The following VPREB3 variants were observed in gnomAD, a reference collection of about 807,000 sequenced individuals.
The protein encoded by VPREB3 is V-set pre-B cell surrogate light chain 3.
Under a neutral mutation model 12.9 loss-of-function variants are expected in VPREB3, and 14 were observed. That is an observed-to-expected ratio of 1.09 (90% CI 0.72 to 1.70). The LOEUF (loss-of-function observed/expected upper bound fraction) is 1.70. VPREB3 is among the 40% of genes most tolerant of loss of function. VPREB3 has a pLI of 0.00. For synonymous variants in VPREB3, 78 were observed against 70.1 expected, an observed-to-expected ratio of 1.11 and a Z score of -0.56; for missense variants, 165 against 159.6, an observed-to-expected ratio of 1.03 and a Z score of -0.18.
chr22:23,754,213 T>G (rs2070453), intron 1 of VPREB3, 102 bp downstream of exon 1: 160,022 of 1,239,356 alleles, frequency 0.13, 12,818 homozygotes, highest in East Asian at 0.39. Flanking sequence ...TCCCAGGACC[T>G]GCCCTACTGT....
rs574751117 is a variant in VPREB3, at chr22:23,752,964, T to C, written c.284A>G (p.His95Arg). ...ACTAATGGTGAGGACACAGGCATTG[T>C]GGGCCTCATCCTTGGCTGCCGAGAA... ...DRFSAAKDEA[H>R]NACVLTISPV... Residue 95 changes from histidine to arginine, a missense_variant, in exon 2 of 2, where the codon CAC becomes CGC. By Grantham distance (29) the His-to-Arg change is conservative (BLOSUM62 0). Coordinates refer to ENST00000248948, the MANE Select transcript of VPREB3 (RefSeq NM_013378.3). 6.2e-7 allele frequency: 1 copy of C among 1,614,126 alleles called. No homozygotes were observed. Among genetic ancestry groups the C allele is most frequent in the South Asian group, 1.1e-5 (1 of 91,088 alleles).
chr22:23,752,890 C>G lies in VPREB3; in HGVS notation c.358G>C (p.Gly120Arg). 1.9e-6 allele frequency: 3 copies of G among 1,611,710 alleles called. No individual in the cohort carries two copies. The highest frequency in any genetic ancestry group is 2.5e-6 in the Non-Finnish European group (3 of 1,178,094). The change falls in exon 2 of 2, where the codon GGC (glycine) becomes CGC (arginine). Residue 120 changes from glycine (G) to arginine (R), a missense_variant. Coordinates refer to ENST00000248948, the MANE Select transcript of VPREB3 (RefSeq NM_013378.3). ...ACACCCCACCCCTAGGGACTAAAGC[C>G]GTAGCCAACAGAGCAGTAGTAATCC... The part of the protein sequence containing the change: ...DADYYCSVGY[G>R]FSP
rs568018533 is a variant in VPREB3 at position 23,752,749 on chromosome 22, T to G, written c.*127A>C. ...TTATGACCCTCACAATAGCTGTTGTTGACATGTTGAATATTATTAACCCAT... is the reference window on the plus strand; with the variant it reads ...TTATGACCCTCACAATAGCTGTTGTGGACATGTTGAATATTATTAACCCAT... On this transcript the variant is annotated 3_prime_UTR_variant, in exon 2 of 2. Transcript: ENST00000248948. 3.3e-6 allele frequency: 3 copies of G among 905,714 alleles called. No homozygotes were observed. Among genetic ancestry groups the G allele is most frequent in the Admixed American group, 5.4e-5 (2 of 37,004 alleles). The allele number at this position is 905,714 out of a possible 1,614,324, so 56.1% of individuals were successfully genotyped here.
In VPREB3 at chr22:23,752,784, G is replaced by A. The variant is rs1003257784; in HGVS notation, c.*92C>T. ...AATATTATTAACCCATTTTACAGAGGGGAAGCAAGGCTCAGAGAAAGTTTA... is the reference window on the plus strand; with the variant it reads ...AATATTATTAACCCATTTTACAGAGAGGAAGCAAGGCTCAGAGAAAGTTTA... On this transcript the variant is annotated 3_prime_UTR_variant, in exon 2 of 2. Transcript: ENST00000248948. 8.0e-7 allele frequency: 1 copy of A among 1,242,356 alleles called. No individual in the cohort carries two copies. The highest frequency in any genetic ancestry group is 1.1e-6 in the Non-Finnish European group (1 of 879,430). The allele number at this position is 1,242,356 out of a possible 1,614,324, so 77.0% of individuals were successfully genotyped here.
In VPREB3 at chr22:23,752,957, G is replaced by A; in HGVS notation, c.291C>T (p.Ala97=). The stretch of plus-strand genomic sequence containing the variant: ...GCACGGGACTAATGGTGAGGACACA[G>A]GCATTGTGGGCCTCATCCTTGGCTG... The part of the protein sequence containing the change: ...FSAAKDEAHN[A]CVLTISPVQP... The change falls in exon 2 of 2, where the codon GCC becomes GCT. Residue 97 remains alanine, a synonymous_variant. Coordinates refer to ENST00000248948, the MANE Select transcript of VPREB3 (RefSeq NM_013378.3). 6.2e-7 allele frequency: 1 copy of A among 1,614,180 alleles called. No individual in the cohort carries two copies. The highest frequency in any genetic ancestry group is 1.3e-5 in the African/African-American group (1 of 75,038).
chr22:23,752,828 G>A lies in VPREB3; in HGVS notation c.*48C>T, dbSNP rs778784887. ...AAGTTTAAAAGGGACCCAAGGTCAG[G>A]GGCAGAAATGGGAGGCAGAGGGGAG... On this transcript the variant is annotated 3_prime_UTR_variant, in exon 2 of 2. Coordinates refer to ENST00000248948, the MANE Select transcript of VPREB3 (RefSeq NM_013378.3). 1 of 1,563,456 alleles carries A rather than the reference G, an allele frequency of 6.4e-7. No homozygotes were observed. Among genetic ancestry groups the A allele is most frequent in the East Asian group, 2.3e-5 (1 of 44,308 alleles).
In VPREB3 at chr22:23,752,861, T is replaced by C; in HGVS notation, c.*15A>G. ...ATGGGAGGCAGAGGGGAGGCACCCA[T>C]CTCACACCCCACCCCTAGGGACTAA... On this transcript the variant is annotated 3_prime_UTR_variant, in exon 2 of 2. Transcript: ENST00000248948. The C allele has an allele frequency of 6.3e-7, 1 of 1,597,270 alleles. No individual in the cohort carries two copies.
chr22:23,754,391 G>A lies in VPREB3; in HGVS notation c.-28C>T, dbSNP rs375736551. On this transcript the variant is annotated 5_prime_UTR_variant, in exon 1 of 2. Transcript: ENST00000248948. ...CCAGAGGCAGGGAGGCAGGCAAGTAGAAGTTCTGCAAGGCTATATGCTCCA... is the reference window on the plus strand; with the variant it reads ...CCAGAGGCAGGGAGGCAGGCAAGTAAAAGTTCTGCAAGGCTATATGCTCCA... 2.7e-4 allele frequency: 435 copies of A among 1,600,018 alleles called. 1 individual carries two copies. The African/African-American group carries it at 5.2e-3, about 19-fold the overall frequency.
rs1443833211 is a variant in VPREB3, at chr22:23,753,190, T to C, written c.58A>G (p.Thr20Ala). 2 of 1,592,344 alleles carry C rather than the reference T, an allele frequency of 1.3e-6. No homozygotes were observed. The highest frequency in any genetic ancestry group is 2.3e-5 in the East Asian group (1 of 43,708). ...AGTGCATCCAGCTGGGCCAGGACTG[T>C]CTGGGAAACTGCGAGACACAAACCC... ...LMGTFLSVSQ[T>A]VLAQLDALLV... Residue 20 changes from threonine to alanine, a missense_variant, in exon 2 of 2, where the codon ACA (threonine) becomes GCA (alanine). Physicochemically the swap from Thr to Ala is moderately conservative, Grantham distance 58. Transcript: ENST00000248948.
chr22:23,753,228 C>G (rs1242275025), intron 1 of VPREB3, 30 bp from the exon 2 acceptor site: 1 of 1,533,680 alleles, frequency 6.5e-7, no homozygotes, highest in South Asian at 1.2e-5. Context: ...TCAGCCTGAG[C>G]CCCTTCCCTC....
chr22:23,753,802 C>T (rs903180526), intron 1 of VPREB3, among the ~76,000 whole-genome samples: 1 of 152,148 alleles, frequency 6.6e-6, no homozygotes, highest in African/African-American at 2.4e-5. Context: ...TGGTCATTCA[C>T]GAATGAGAAA....
intron 1 of VPREB3, 105 bp from the exon 2 acceptor site, chr22:23,753,303 G>T: frequency 8.3e-7 from 1 of 1,209,822 alleles, no homozygotes; most frequent in Non-Finnish European, 1.1e-6. Flanking sequence ...AGGGCTCATA[G>T]CCCAGTGCTA....
rs182398886 is a variant in VPREB3, at chr22:23,754,046, G to A, written c.49+269C>T. Among the ~76,000 whole-genome samples the A allele has an allele frequency of 1.6e-3, 245 of 152,204 alleles. 2 individuals carry two copies. Among genetic ancestry groups the A allele is most frequent in the African/African-American group, 5.7e-3 (238 of 41,506 alleles). On this transcript the variant is annotated intron_variant, in intron 1 of 1. Transcript: ENST00000248948. ...TAAAAATACAAAATTAGCCAGGCGTGGTGGCGCATGCCTGTAATCCCAGCT... is the reference window on the plus strand; with the variant it reads ...TAAAAATACAAAATTAGCCAGGCGTAGTGGCGCATGCCTGTAATCCCAGCT...
Position 23,753,194 on chromosome 22 carries a change from G to A in VPREB3, c.54C>T (p.Ser18=), listed in dbSNP as rs768168260. 6.9e-6 allele frequency: 11 copies of A among 1,588,336 alleles called. No homozygotes were observed. Among genetic ancestry groups the A allele is most frequent in the Non-Finnish European group, 9.4e-6 (11 of 1,167,488 alleles). ...CATCCAGCTGGGCCAGGACTGTCTG[G>A]GAAACTGCGAGACACAAACCCACTC... ...FLLMGTFLSV[S]QTVLAQLDAL... Residue 18 remains serine (S), a synonymous_variant, in exon 2 of 2, where the codon TCC becomes TCT. Transcript: ENST00000248948.
Position 23,753,091 on chromosome 22 carries a change from C to A in VPREB3, c.157G>T (p.Gly53Cys), listed in dbSNP as rs143409128. The A allele has an allele frequency of 1.2e-6, 2 of 1,614,080 alleles. No homozygotes were observed. Among genetic ancestry groups the A allele is most frequent in the Non-Finnish European group, 1.7e-6 (2 of 1,179,988 alleles). The part of the protein sequence containing the change: ...SPQHVTIRDY[G>C]VSWYQQRAGS... The stretch of plus-strand genomic sequence containing the variant: ...GCCCGCTGCTGGTACCAGGACACAC[C>A]GTAGTCCCTGATGGTGACGTGCTGG... Residue 53 changes from glycine to cysteine, a missense_variant, in exon 2 of 2, where the codon GGT becomes TGT. Gly to Cys is a radical substitution (Grantham distance 159). Transcript: ENST00000248948.
chr22:23,752,766 T>C lies in VPREB3; in HGVS notation c.*110A>G. On this transcript the variant is annotated 3_prime_UTR_variant, in exon 2 of 2. Transcript: ENST00000248948. The stretch of plus-strand genomic sequence containing the variant: ...GCTGTTGTTGACATGTTGAATATTA[T>C]TAACCCATTTTACAGAGGGGAAGCA... 9.7e-7 allele frequency: 1 copy of C among 1,028,970 alleles called. No homozygotes were observed. The highest frequency in any genetic ancestry group is 1.6e-5 in the South Asian group (1 of 62,472). The allele number at this position is 1,028,970 out of a possible 1,614,324, so 63.7% of individuals were successfully genotyped here. A position where few individuals can be genotyped will look rare whatever the true frequency, so the allele number is the denominator to read the frequency against.
At chr22:23,753,627 G>T (rs1340012127) in intron 1 of VPREB3, among the ~76,000 whole-genome samples, 2 of 152,066 alleles carry the variant, frequency 1.3e-5, no homozygotes, top group Non-Finnish European at 2.9e-5. Flanking sequence ...GGAACCTCCT[G>T]GGCTGTCCCA....
At chr22:23,754,236 G>A (rs1925445733) in intron 1 of VPREB3, 79 bp downstream of exon 1, 4 of 1,458,766 alleles carry the variant, frequency 2.7e-6, no homozygotes, top group Middle Eastern at 1.8e-4. Flanking sequence ...CCATCGATTT[G>A]CCTCCTTGCA....
At position 23,754,315 on chromosome 22, in the gene VPREB3, C is replaced by T; in HGVS notation, c.49G>A (p.Val17Ile). The change falls in exon 1 of 2, where the codon GTT becomes ATT. Residue 17 changes from valine to isoleucine, a missense_variant and splice_region_variant. By Grantham distance (29) the Val-to-Ile change is conservative. Transcript: ENST00000248948. ...SFLLMGTFLSVSQTVLAQLDA... is the reference protein window; with the variant it reads ...SFLLMGTFLSISQTVLAQLDA... ...TGACTGAGGCCCAGGAAAGATTCAC[C>T]TGACAGGAAGGTCCCCATCAGAAGG... 6.2e-7 allele frequency: 1 copy of T among 1,603,858 alleles called. No homozygotes were observed. Among genetic ancestry groups the T allele is most frequent in the East Asian group, 2.2e-5 (1 of 44,560 alleles).
Sources: allele counts gnomAD v4.1 joint callset (sites outside exome capture counted in the v4.1 genomes callset), GRCh38; gene constraint gnomAD v4.1.1; transcripts MANE v1.5; gene names NCBI Gene and HGNC (gene_info 2026-07-23, HGNC 2026-07-21).